Variants in TRPV5 observed in about 807,000 individuals in gnomAD.
TRPV5 encodes transient receptor potential cation channel subfamily V member 5.
TRPV5 carries 66 observed loss-of-function variants against 74.1 expected under a neutral mutation model. That is an observed-to-expected ratio of 0.89 (90% CI 0.73 to 1.09). TRPV5 has a LOEUF of 1.09. Ranked by LOEUF, TRPV5 falls within the 50% of genes least tolerant of loss-of-function variation. The pLI is 0.00. For synonymous variants in TRPV5, 399 were observed against 360.7 expected (o/e 1.11, Z -1.20); for missense variants, 936 against 930.4 (o/e 1.01, Z -0.08).
intron 8 of TRPV5, among the ~76,000 whole-genome samples, chr7:142,917,483 G>A (rs1211878018): frequency 2.6e-5 from 4 of 152,222 alleles, no homozygotes; most frequent in East Asian, 3.9e-4. Context: ...GAAGATCAGG[G>A]TGCCCCTAGA....
rs1173724536 is a variant in TRPV5 at position 142,912,579 on chromosome 7, A to G, written c.1691T>C (p.Ile564Thr). The change falls in exon 13 of 15, where the codon ATC becomes ACC. Residue 564 changes from isoleucine (I) to threonine (T), a missense_variant. By Grantham distance (89) the Ile-to-Thr change is moderately conservative. Transcript: ENST00000265310. ...GTTGAGCATGAGCAGTGTGGCAATG[A>G]TGGTGAAGGCGAAGTTGACAATGCT... ...MFSIVNFAFT[I>T]IATLLMLNLF... 4 of 1,614,162 alleles carry G rather than the reference A, an allele frequency of 2.5e-6. No individual in the cohort carries two copies. The Admixed American group carries it at 5.0e-5, about 20-fold the overall frequency.
chr7:142,929,482 C>A lies in TRPV5; in HGVS notation c.433G>T (p.Ala145Ser). The change falls in exon 4 of 15, where the codon GCC becomes TCC. Residue 145 changes from alanine to serine, a missense_variant. Coordinates refer to ENST00000265310, the MANE Select transcript of TRPV5 (RefSeq NM_019841.7). ...ALLTRRASVS[A>S]RATGTAFRHS... The stretch of plus-strand genomic sequence containing the variant: ...CGGAAGGCAGTGCCTGTGGCTCTGG[C>A]AGAGACACTGGCCCTGCGGGTGAGC... 6.2e-7 allele frequency: 1 copy of A among 1,614,142 alleles called. No homozygotes were observed. The highest frequency in any genetic ancestry group is 8.5e-7 in the Non-Finnish European group (1 of 1,180,002).
intron 13 of TRPV5, among the ~76,000 whole-genome samples, chr7:142,912,050 G>A (rs1429171715): frequency 2.0e-5 from 3 of 152,194 alleles, no homozygotes; most frequent in Admixed American, 6.5e-5. Context: ...ATTATGTTAA[G>A]TAGGAGGTCA....
chr7:142,930,475 G>C (rs775881134), intron 1 of TRPV5, 29 bp from the exon 2 acceptor site: 1 of 1,550,302 alleles, frequency 6.5e-7, no homozygotes. Flanking sequence ...GAGTTTGGAA[G>C]AGACAGTCAT....
intron 8 of TRPV5, among the ~76,000 whole-genome samples, chr7:142,923,896 T>G (rs1330322876): frequency 1.3e-5 from 2 of 152,078 alleles, no homozygotes; most frequent in African/African-American, 4.8e-5. Flanking sequence ...ACCTTCAAAA[T>G]GCAGAAAATC....
Position 142,930,183 on chromosome 7 carries a change from G to A in TRPV5, c.227-3C>T. 6.2e-7 allele frequency: 1 copy of A among 1,611,906 alleles called. No individual in the cohort carries two copies. Among genetic ancestry groups the A allele is most frequent in the Non-Finnish European group, 8.5e-7 (1 of 1,179,432 alleles). ...CAGCGCCGTCTCCCCCAGGGCTCCT[G>A]GATTGGAGTAAGACAGAGATGTTAG... On this transcript the variant is annotated splice_polypyrimidine_tract_variant and splice_region_variant and intron_variant, in intron 2 of 14. Transcript: ENST00000265310.
intron 3 of TRPV5, 122 bp downstream of exon 3, chr7:142,929,936 G>A (rs1465221809): frequency 2.1e-6 from 3 of 1,460,480 alleles, no homozygotes; most frequent in South Asian, 1.2e-5. Context: ...ACTCAACGGA[G>A]CCCATCCTCC....
Position 142,929,116 on chromosome 7 carries a change from C to T in TRPV5, c.492G>A (p.Glu164=). 1 of 1,613,966 alleles carries T rather than the reference C, an allele frequency of 6.2e-7. No homozygotes were observed. The highest frequency in any genetic ancestry group is 1.3e-5 in the African/African-American group (1 of 75,048). The part of the protein sequence containing the change: ...HSPRNLIYFG[E]HPLSFAACVN... ...CACAGGCAGCAAAGGACAAAGGGTG[C>T]TCCCCTGTGGACACAGAGAGATCCA... The change falls in exon 5 of 15, where the codon GAG becomes GAA. Residue 164 remains glutamate (E), a synonymous_variant. Coordinates refer to ENST00000265310, the MANE Select transcript of TRPV5 (RefSeq NM_019841.7).
intron 8 of TRPV5, 53 bp from the exon 9 acceptor site, chr7:142,915,621 T>C: frequency 1.3e-6 from 2 of 1,579,782 alleles, no homozygotes; most frequent in Non-Finnish European, 1.7e-6. Flanking sequence ...GTCAAATCCT[T>C]TTGTGCAAAT....
intron 1 of TRPV5, among the ~76,000 whole-genome samples, chr7:142,931,847 G>A (rs958021271): frequency 2.0e-5 from 3 of 152,172 alleles, no homozygotes; most frequent in Non-Finnish European, 4.4e-5. Flanking sequence ...GACTACAGGT[G>A]CCCACCACCA....
At chr7:142,924,380 A>ATG (rs1245944422) in intron 8 of TRPV5, among the ~76,000 whole-genome samples, 1 of 113,376 alleles carries the variant, frequency 8.8e-6, no homozygotes, top group Non-Finnish European at 1.6e-5. Flanking sequence ...ATATACATAT[A>ATG]TATATATATA....
rs778787852 is a variant in TRPV5 at position 142,909,615 on chromosome 7, T to C, written c.1789-19A>G. On this transcript the variant is annotated intron_variant, in intron 13 of 14. Coordinates refer to ENST00000265310, the MANE Select transcript of TRPV5 (RefSeq NM_019841.7). ...CCACGACCTGGAAGGAGGCAGGAGA[T>C]ACAGGAAGAACTCTGAAAGAGCCAT... The C allele has an allele frequency of 6.2e-7, 1 of 1,611,796 alleles. No individual in the cohort carries two copies. Among genetic ancestry groups the C allele is most frequent in the Non-Finnish European group, 8.5e-7 (1 of 1,179,328 alleles).
Position 142,908,672 on chromosome 7 carries a change from T to G in TRPV5, c.2032A>C (p.Arg678=), listed in dbSNP as rs138652139. The G allele has an allele frequency of 6.3e-5, 102 of 1,614,244 alleles. No homozygotes were observed. The African/African-American group carries it at 1.3e-3, about 20-fold the overall frequency. Residue 678 remains arginine, a synonymous_variant, in exon 15 of 15, where the codon AGA becomes CGA. Transcript: ENST00000265310. ...GAAGTTGGAAGAGCCAAAGAGGCTC[T>G]GGCTAGAGTCCCACTCTCAGCCCCA... ...PSGAESGTLA[R]ASLALPTSSL... is the part of the protein sequence containing the mutation.
At chr7:142,917,783 G>A (rs118171413) in intron 8 of TRPV5, among the ~76,000 whole-genome samples, 555 of 152,284 alleles carry the variant, frequency 3.6e-3, no homozygotes, top group Middle Eastern at 0.017. Context: ...AGGCTGCAAA[G>A]TGCCACAGAC....
intron 8 of TRPV5, among the ~76,000 whole-genome samples, chr7:142,924,168 C>T (rs937807855): frequency 6.0e-5 from 9 of 149,596 alleles, no homozygotes; most frequent in African/African-American, 2.0e-4. Context: ...CCTCCCCAGG[C>T]AGCAAGACCT....
At position 142,933,350 on chromosome 7, in the gene TRPV5, T is replaced by G. The variant is rs751193535; in HGVS notation, c.110A>C (p.His37Pro). 9 of 1,613,928 alleles carry G rather than the reference T, an allele frequency of 5.6e-6. No homozygotes were observed. Among genetic ancestry groups the G allele is most frequent in the Admixed American group, 1.7e-5 (1 of 60,026 alleles). Residue 37 changes from histidine to proline, a missense_variant, in exon 1 of 15, where the codon CAT becomes CCT. By Grantham distance (77) the His-to-Pro change is moderately conservative (BLOSUM62 -2). Transcript: ENST00000265310. ...QDWDQHLDKL[H>P]MLQQKRILES... is the part of the protein sequence containing the mutation. ...AGCCTACCTCTTCTGCTGCAGCATA[T>G]GAAGCTTGTCCAGGTGCTGGTCCCA...
At position 142,912,746 on chromosome 7, in the gene TRPV5, G is replaced by T; in HGVS notation, c.1524C>A (p.Phe508Leu). 1 of 1,613,464 alleles carries T rather than the reference G, an allele frequency of 6.2e-7. No homozygotes were observed. The highest frequency in any genetic ancestry group is 8.5e-7 in the Non-Finnish European group (1 of 1,179,344). The change falls in exon 13 of 15, where the codon TTC (phenylalanine) becomes TTA (leucine). Residue 508 changes from phenylalanine (F) to leucine (L), a missense_variant. Phe to Leu is a conservative substitution (Grantham distance 22, BLOSUM62 0). Coordinates refer to ENST00000265310, the MANE Select transcript of TRPV5 (RefSeq NM_019841.7). Reference protein sequence around the residue: ...AVVILGFASAFYIIFQTEDPT... With the variant: ...AVVILGFASALYIIFQTEDPT... Reference sequence around the variant, plus strand: ...GGTCCTCTGTCTGGAAAATGATATAGAACGCTGCTCCGCCCAGGAAGAGGA... The same window carrying T: ...GGTCCTCTGTCTGGAAAATGATATATAACGCTGCTCCGCCCAGGAAGAGGA...
intron 8 of TRPV5, among the ~76,000 whole-genome samples, chr7:142,922,360 A>C (rs1280437439): frequency 6.6e-6 from 1 of 152,218 alleles, no homozygotes; most frequent in Non-Finnish European, 1.5e-5. Context: ...GAGAAATTTG[A>C]ACTCCCTGCT....
chr7:142,917,842 C>T (rs1201778829), intron 8 of TRPV5, among the ~76,000 whole-genome samples: 1 of 152,170 alleles, frequency 6.6e-6, no homozygotes, highest in Non-Finnish European at 1.5e-5. Context: ...AATACAAACC[C>T]TTCTGTAGGG....
Sources: allele counts gnomAD v4.1 joint callset (sites outside exome capture counted in the v4.1 genomes callset), GRCh38; gene constraint gnomAD v4.1.1; transcripts MANE v1.5; gene names NCBI Gene and HGNC (gene_info 2026-07-23, HGNC 2026-07-21).